HSPA12A: variants seen among roughly 807,000 people sequenced by gnomAD.
HSPA12A encodes heat shock 70 kDa protein 12A.
In HSPA12A, 28 loss-of-function variants were observed where a neutral mutation model predicts 69.2. The observed-to-expected ratio is 0.40, with a 90% confidence interval of 0.30 to 0.55. The LOEUF is 0.55. HSPA12A is among the 20% of genes least tolerant of loss of function. The pLI is 0.38. For missense variants in HSPA12A, 686 were observed against 900.7 expected, an observed-to-expected ratio of 0.76 and a Z score of 3.05; for synonymous variants, 345 against 370.5, an observed-to-expected ratio of 0.93 and a Z score of 0.79.
intron 10 of HSPA12A, among the ~76,000 whole-genome samples, chr10:116,676,989 T>A (rs1178761552): frequency 2.0e-5 from 3 of 152,136 alleles, no homozygotes; most frequent in Non-Finnish European, 4.4e-5. Context: ...ACGGTCTCTG[T>A]CCAGAAGCAG....
chr10:116,741,830 G>A (rs1851518618), intron 1 of HSPA12A, among the ~76,000 whole-genome samples: 1 of 152,204 alleles, frequency 6.6e-6, no homozygotes, highest in African/African-American at 2.4e-5. Context: ...CCCTTCCCCA[G>A]CCCAGTGAGT....
intron 2 of HSPA12A, among the ~76,000 whole-genome samples, chr10:116,778,838 G>C (rs1844398857): frequency 6.6e-6 from 1 of 152,208 alleles, no homozygotes; most frequent in Non-Finnish European, 1.5e-5. Flanking sequence ...AGAAGGCTGA[G>C]GCAGGAGGAT....
intron 2 of HSPA12A, among the ~76,000 whole-genome samples, chr10:116,758,272 C>T (rs1380625293): frequency 2.0e-5 from 3 of 152,136 alleles, no homozygotes; most frequent in Admixed American, 2.0e-4. Flanking sequence ...TCACCCTTGC[C>T]CCACACTCAT....
At chr10:116,708,214 G>T (rs1393116108) in intron 1 of HSPA12A, 1 of 152,126 alleles carries the variant, frequency 6.6e-6, no homozygotes, top group Non-Finnish European at 1.5e-5. Context: ...AGTGAAGACT[G>T]CGTGCTCCCA....
At position 116,842,922 on chromosome 10, in the gene HSPA12A, C is replaced by G. The variant is rs377361644; in HGVS notation, c.3+6644G>C. ...AAAGTTTCTTTTGCTCGATCTTTTC[C>G]TTTTCTCTTTACTATCTGAACTCAC... On this transcript the variant is annotated intron_variant, in intron 1 of 12. Transcript: ENST00000635765. Among the ~76,000 whole-genome samples the G allele has an allele frequency of 3.3e-5, 5 of 152,188 alleles. No individual in the cohort carries two copies. In the East Asian group the frequency reaches 9.6e-4, roughly 29 times the overall value.
chr10:116,702,428 T>C (rs1638432), intron 3 of HSPA12A, among the ~76,000 whole-genome samples: 88,060 of 152,110 alleles, frequency 0.58, 25,553 homozygotes, highest in Middle Eastern at 0.69. Context: ...CCCGACCCCA[T>C]GACATTAAGC....
chr10:116,825,090 G>T (rs1265748077), intron 2 of HSPA12A, among the ~76,000 whole-genome samples: 1 of 151,858 alleles, frequency 6.6e-6, no homozygotes, highest in African/African-American at 2.4e-5. Flanking sequence ...GGGGGGCTGT[G>T]GTGGGGGAAT....
rs372128748 is a variant in HSPA12A at position 116,787,664 on chromosome 10, G to A, written c.91+47271C>T. ...GGGAAGAAGTGGGGCTAGGGTGGGA[G>A]GCGGGGAGCTTAGTTTTCACTTGCT... On this transcript the variant is annotated intron_variant, in intron 2 of 12. Transcript: ENST00000635765. Among the ~76,000 whole-genome samples the A allele has an allele frequency of 2.6e-5, 4 of 152,160 alleles. 1 individual carries two copies. In the South Asian group the frequency reaches 8.3e-4, roughly 32 times the overall value.
chr10:116,769,074 G>A (rs1844141383), intron 2 of HSPA12A, among the ~76,000 whole-genome samples: 1 of 152,178 alleles, frequency 6.6e-6, no homozygotes, highest in South Asian at 2.1e-4. Flanking sequence ...ACAGCACAGT[G>A]AGACACAAAC....
rs1589711311 is a variant in HSPA12A, at chr10:116,795,758, A to G, written c.91+39177T>C. ...GGATGAAATTCAAAGGAAAATATTA[A>G]ATAAGTATATCATATATTATTATTT... On this transcript the variant is annotated intron_variant, in intron 2 of 12. Coordinates refer to the HSPA12A transcript ENST00000635765. Among the ~76,000 whole-genome samples, 3 of 150,796 alleles carry G rather than the reference A, an allele frequency of 2.0e-5. No individual in the cohort carries two copies. The East Asian group carries it at 5.8e-4, about 29-fold the overall frequency.
chr10:116,719,443 G>C (rs909563125), intron 1 of HSPA12A, among the ~76,000 whole-genome samples: 3 of 152,184 alleles, frequency 2.0e-5, no homozygotes, highest in Non-Finnish European at 4.4e-5. Flanking sequence ...TCCTTGAGGG[G>C]GTCCATGAGC....
At chr10:116,694,892 C>T (rs1446163894) in intron 5 of HSPA12A, among the ~76,000 whole-genome samples, 1 of 152,184 alleles carries the variant, frequency 6.6e-6, no homozygotes, top group African/African-American at 2.4e-5. Context: ...GCAGGCTTCA[C>T]AACGCTTGTC....
chr10:116,808,830 C>T (rs746372214), intron 2 of HSPA12A, among the ~76,000 whole-genome samples: 6 of 152,172 alleles, frequency 3.9e-5, no homozygotes, highest in Non-Finnish European at 8.8e-5. Context: ...GGTGTATTTA[C>T]AGAGGGCCCC....
chr10:116,820,397 G>T (rs1332640363), intron 2 of HSPA12A, among the ~76,000 whole-genome samples: 1 of 152,028 alleles, frequency 6.6e-6, no homozygotes, highest in Non-Finnish European at 1.5e-5. Flanking sequence ...CCTGGTCAGG[G>T]ATGCGGTTAC....
At chr10:116,778,917 G>A (rs2133131412) in intron 2 of HSPA12A, among the ~76,000 whole-genome samples, 1 of 152,248 alleles carries the variant, frequency 6.6e-6, no homozygotes, top group Non-Finnish European at 1.5e-5. Context: ...GTGGGGAGAT[G>A]GAACGACCCT....
intron 2 of HSPA12A, among the ~76,000 whole-genome samples, chr10:116,779,638 G>A (rs1056369997): frequency 2.6e-5 from 4 of 152,170 alleles, no homozygotes; most frequent in South Asian, 2.1e-4. Context: ...CTGCCAGCCC[G>A]CGATGGAATC....
At chr10:116,838,541 C>A (rs183186026) in intron 1 of HSPA12A, among the ~76,000 whole-genome samples, 1 of 152,290 alleles carries the variant, frequency 6.6e-6, no homozygotes, top group Non-Finnish European at 1.5e-5. Flanking sequence ...CTGCATGCCC[C>A]TTTTTGGTTT....
At chr10:116,805,644 C>T (rs542329905) in intron 2 of HSPA12A, among the ~76,000 whole-genome samples, 2 of 152,136 alleles carry the variant, frequency 1.3e-5, no homozygotes, top group Non-Finnish European at 2.9e-5. Context: ...CACTGATCAA[C>T]GATGCCAGTT....
intron 2 of HSPA12A, among the ~76,000 whole-genome samples, chr10:116,825,186 C>CAA (rs34479568): frequency 0.017 from 2,080 of 124,960 alleles, 12 homozygotes; most frequent in Middle Eastern, 0.029. Context: ...GACCTTGTCT[C>CAA]AAAAAAAAAA....
Sources: gnomAD v4.1 joint callset for allele counts (sites outside exome capture counted in the v4.1 genomes callset) on GRCh38, gnomAD v4.1.1 for gene constraint, MANE v1.5 for transcripts, NCBI Gene and HGNC (gene_info 2026-07-23, HGNC 2026-07-21) for gene names.